The following DOK5 variants were observed in gnomAD, a reference collection of about 807,000 sequenced individuals.
DOK5 encodes docking protein 5, also known as downstream of tyrosine kinase 5.
In DOK5, 27 loss-of-function variants were observed where a neutral mutation model predicts 43.3. That is an observed-to-expected ratio of 0.62 (90% confidence interval 0.46 to 0.86). The LOEUF (loss-of-function observed/expected upper bound fraction) is 0.86, where lower values mean the gene tolerates loss of function less well. DOK5 is among the 40% of genes least tolerant of loss of function. The pLI, the probability that DOK5 is intolerant of heterozygous loss-of-function variation, is 0.00. For synonymous variants in DOK5, 146 were observed against 140.1 expected, an observed-to-expected ratio of 1.04 and a Z score of -0.30; for missense variants, 373 against 392.9, an observed-to-expected ratio of 0.95 and a Z score of 0.43.
At chr20:54,574,403 T>G (rs1175488945) in intron 2 of DOK5, among the ~76,000 whole-genome samples, 1 of 152,066 alleles carries the variant, frequency 6.6e-6, no homozygotes, top group East Asian at 1.9e-4. Context: ...ATGCCACTGT[T>G]CCTTTCTTGA....
At chr20:54,583,473 G>A (rs1198811828) in intron 2 of DOK5, among the ~76,000 whole-genome samples, 4 of 151,930 alleles carry the variant, frequency 2.6e-5, no homozygotes, top group African/African-American at 4.8e-5. Context: ...ATTGAAAGTG[G>A]GGTATTGAAA....
chr20:54,588,424 T>C, intron 2 of DOK5, 59 bp from the exon 3 acceptor site: 1 of 1,432,632 alleles, frequency 7.0e-7, no homozygotes, highest in South Asian at 1.1e-5. Context: ...ACCTTTGGTG[T>C]TGTATACTGG....
intron 1 of DOK5, among the ~76,000 whole-genome samples, chr20:54,483,836 G>A (rs1371813745): frequency 6.6e-6 from 1 of 152,196 alleles, no homozygotes; most frequent in Admixed American, 6.5e-5. Context: ...GCTGATTTTT[G>A]CAGAGCAGTT....
chr20:54,507,639 A>G (rs1027868442), intron 1 of DOK5, among the ~76,000 whole-genome samples: 1 of 152,206 alleles, frequency 6.6e-6, no homozygotes, highest in Admixed American at 6.5e-5. Flanking sequence ...TGTCTGCTTT[A>G]GACTGAATGG....
chr20:54,559,002 G>A (rs934339212), intron 2 of DOK5, among the ~76,000 whole-genome samples: 2 of 152,070 alleles, frequency 1.3e-5, no homozygotes, highest in Admixed American at 6.6e-5. Context: ...CTTCCTCCAC[G>A]AAGCACCCCT....
At chr20:54,499,636 A>T (rs544831452) in intron 1 of DOK5, among the ~76,000 whole-genome samples, 1 of 152,232 alleles carries the variant, frequency 6.6e-6, no homozygotes, top group Non-Finnish European at 1.5e-5. Flanking sequence ...TGGCCAATTT[A>T]AAAACATCTC....
intron 1 of DOK5, among the ~76,000 whole-genome samples, chr20:54,544,539 G>A (rs1044177053): frequency 6.6e-6 from 1 of 152,174 alleles, no homozygotes; most frequent in Non-Finnish European, 1.5e-5. Context: ...TCACTCCCCA[G>A]GTACAGCCAA....
chr20:54,562,673 CT>C (rs1984949267), intron 2 of DOK5, among the ~76,000 whole-genome samples: 1 of 152,130 alleles, frequency 6.6e-6, no homozygotes, highest in African/African-American at 2.4e-5. Context: ...CCTCCTTGGC[CT>C]CCCAAAGTGC....
At chr20:54,541,320 C>A (rs920722584) in intron 1 of DOK5, among the ~76,000 whole-genome samples, 3 of 152,210 alleles carry the variant, frequency 2.0e-5, no homozygotes, top group Admixed American at 1.3e-4. Context: ...CCCCGACCTG[C>A]GCCTTTCCTG....
At chr20:54,625,717 G>T (rs1415857215) in intron 6 of DOK5, among the ~76,000 whole-genome samples, 2 of 152,184 alleles carry the variant, frequency 1.3e-5, no homozygotes, top group African/African-American at 2.4e-5. Context: ...TCTTGGCACA[G>T]TGCCTGGTAC....
At chr20:54,554,412 C>T (rs1293659539) in intron 1 of DOK5, among the ~76,000 whole-genome samples, 1 of 152,142 alleles carries the variant, frequency 6.6e-6, no homozygotes, top group Non-Finnish European at 1.5e-5. Flanking sequence ...GGTTGAATAT[C>T]CTAAGCAAGA....
chr20:54,553,896 CAAAA>C (rs761243905), intron 1 of DOK5, among the ~76,000 whole-genome samples: 1 of 80,160 alleles, frequency 1.2e-5, no homozygotes, highest in African/African-American at 3.8e-5. Flanking sequence ...GACTCTGTCT[CAAAA>C]AAAAAAAAAA....
chr20:54,542,099 T>TACACACAGACACACACACACAC (rs763674242), intron 1 of DOK5, among the ~76,000 whole-genome samples: 2 of 121,984 alleles, frequency 1.6e-5, no homozygotes, highest in African/African-American at 3.6e-5. Flanking sequence ...TATTATAAGA[T>TACACACAGACACACACACACAC]ACACACACAC....
intron 1 of DOK5, among the ~76,000 whole-genome samples, chr20:54,490,551 G>A (rs1468439143): frequency 6.6e-6 from 1 of 151,992 alleles, no homozygotes; most frequent in African/African-American, 2.4e-5. Flanking sequence ...TGTTGTTCCT[G>A]GGTATCTGGT....
intron 5 of DOK5, among the ~76,000 whole-genome samples, chr20:54,600,717 T>C (rs1480988946): frequency 2.6e-5 from 4 of 152,198 alleles, no homozygotes; most frequent in Non-Finnish European, 4.4e-5. Flanking sequence ...ATTGATTGAT[T>C]GGTGGATCTC....
intron 2 of DOK5, among the ~76,000 whole-genome samples, chr20:54,573,140 G>T (rs542706155): frequency 6.6e-6 from 1 of 152,190 alleles, no homozygotes; most frequent in African/African-American, 2.4e-5. Context: ...AGGATAGGAA[G>T]TATGGAAGGA....
chr20:54,493,815 T>C (rs895481996), intron 1 of DOK5, among the ~76,000 whole-genome samples: 1 of 152,156 alleles, frequency 6.6e-6, no homozygotes, highest in Non-Finnish European at 1.5e-5. Context: ...GGCTGGCACC[T>C]GTACTCCTAA....
At chr20:54,543,703 G>T (rs1209936416) in intron 1 of DOK5, among the ~76,000 whole-genome samples, 1 of 152,078 alleles carries the variant, frequency 6.6e-6, no homozygotes, top group Admixed American at 6.6e-5. Flanking sequence ...GAGTGTATAT[G>T]TATATAAACT....
intron 1 of DOK5, among the ~76,000 whole-genome samples, chr20:54,537,582 A>G (rs947122002): frequency 3.9e-5 from 6 of 152,232 alleles, no homozygotes; most frequent in Admixed American, 2.0e-4. Flanking sequence ...ACATCAGAAT[A>G]GAGAGAACAC....
Sources: gnomAD v4.1 joint callset for allele counts (sites outside exome capture counted in the v4.1 genomes callset) on GRCh38, gnomAD v4.1.1 for gene constraint, MANE v1.5 for transcripts, NCBI Gene and HGNC (gene_info 2026-07-23, HGNC 2026-07-21) for gene names.